RBFOX1: variants seen among roughly 807,000 people sequenced by gnomAD.
RBFOX1 encodes the protein RNA binding fox-1 homolog 1, also known as RNA binding protein fox-1 homolog 1.
A neutral mutation model predicts 57.7 loss-of-function variants in RBFOX1; 8 were observed. The observed-to-expected ratio is 0.14, with a 90% CI of 0.08 to 0.25. The LOEUF (loss-of-function observed/expected upper bound fraction) is 0.25. Ranked by LOEUF, RBFOX1 falls within the 10% of genes least tolerant of loss-of-function variation. The pLI is 1.00. For synonymous variants in RBFOX1, 326 were observed against 222.4 expected, an observed-to-expected ratio of 1.47 and a Z score of -4.15; for missense variants, 611 against 548.5, an observed-to-expected ratio of 1.11 and a Z score of -1.14.
intron 3 of RBFOX1, among the ~76,000 whole-genome samples, chr16:6,840,105 G>A (rs2093375644): frequency 6.6e-6 from 1 of 152,150 alleles, no homozygotes; most frequent in Non-Finnish European, 1.5e-5. Flanking sequence ...CTACTGAATT[G>A]ACTTGCTTGC....
intron 4 of RBFOX1, among the ~76,000 whole-genome samples, chr16:5,911,232 T>C (rs2058595091): frequency 6.6e-6 from 1 of 152,162 alleles, no homozygotes; most frequent in South Asian, 2.1e-4. Flanking sequence ...GGCCTCCCAC[T>C]TGAGGTCCAC....
chr16:5,854,144 A>T (rs966467286), intron 3 of RBFOX1, among the ~76,000 whole-genome samples: 2 of 152,202 alleles, frequency 1.3e-5, no homozygotes, highest in Admixed American at 1.3e-4. Flanking sequence ...CAAGCTAATG[A>T]TCATATCTGT....
intron 2 of RBFOX1, among the ~76,000 whole-genome samples, chr16:6,390,260 G>A (rs1302276293): frequency 6.6e-6 from 1 of 152,130 alleles, no homozygotes; most frequent in Admixed American, 6.5e-5. Flanking sequence ...TCTTAGAGGT[G>A]CCATTCTGAT....
At chr16:7,693,701 G>A (rs1210025115) in intron 14 of RBFOX1, among the ~76,000 whole-genome samples, 1 of 152,166 alleles carries the variant, frequency 6.6e-6, no homozygotes, top group African/African-American at 2.4e-5. Context: ...TAGGTACACA[G>A]ACGTATGACT....
At chr16:6,669,103 C>T (rs567050354) in intron 3 of RBFOX1, among the ~76,000 whole-genome samples, 6 of 152,272 alleles carry the variant, frequency 3.9e-5, no homozygotes, top group African/African-American at 1.4e-4. Context: ...TTTCCCAGCA[C>T]TTTTGCATGG....
At chr16:7,595,512 T>G in intron 7 of RBFOX1, 37 bp from the exon 8 acceptor site, 2 of 1,458,522 alleles carry the variant, frequency 1.4e-6, no homozygotes, top group Non-Finnish European at 1.9e-6. Context: ...GAAATAATAA[T>G]CTGCATGTTG....
At chr16:6,226,418 A>G (rs1011643322) in intron 1 of RBFOX1, among the ~76,000 whole-genome samples, 7 of 148,272 alleles carry the variant, frequency 4.7e-5, no homozygotes, top group Admixed American at 1.4e-4. Context: ...ATAAATTTTC[A>G]GCAATGTGAA....
intron 3 of RBFOX1, among the ~76,000 whole-genome samples, chr16:5,845,782 G>C (rs535884470): frequency 8.3e-4 from 127 of 152,262 alleles, no homozygotes; most frequent in African/African-American, 2.9e-3. Context: ...GGCACAGATA[G>C]AGCCCACTTT....
chr16:5,928,191 C>A (rs2058975054), intron 4 of RBFOX1, among the ~76,000 whole-genome samples: 1 of 151,704 alleles, frequency 6.6e-6, no homozygotes, highest in Admixed American at 6.6e-5. Flanking sequence ...TCTCCTGGGC[C>A]CAAGTGGTGT....
intron 5 of RBFOX1, among the ~76,000 whole-genome samples, chr16:7,562,972 C>T (rs954478817): frequency 3.3e-5 from 5 of 152,106 alleles, no homozygotes; most frequent in African/African-American, 1.2e-4. Flanking sequence ...CTTTAGATGC[C>T]ATTAAGGGAC....
At chr16:7,162,769 C>T (rs1456643453) in intron 4 of RBFOX1, among the ~76,000 whole-genome samples, 1 of 152,020 alleles carries the variant, frequency 6.6e-6, no homozygotes, top group African/African-American at 2.4e-5. Context: ...TAGATAAATA[C>T]AAGGCAAATT....
chr16:7,248,363 T>C (rs1198449057), intron 4 of RBFOX1, among the ~76,000 whole-genome samples: 1 of 152,198 alleles, frequency 6.6e-6, no homozygotes, highest in African/African-American at 2.4e-5. Flanking sequence ...GCTCTTCTAG[T>C]AGGATGCCCT....
intron 3 of RBFOX1, among the ~76,000 whole-genome samples, chr16:5,668,625 A>T (rs1049798520): frequency 2.0e-5 from 3 of 152,216 alleles, no homozygotes; most frequent in African/African-American, 7.2e-5. Flanking sequence ...TAGGTGTGTT[A>T]TGCATAACTC....
At chr16:7,320,085 T>C (rs2096518471) in intron 4 of RBFOX1, among the ~76,000 whole-genome samples, 1 of 152,168 alleles carries the variant, frequency 6.6e-6, no homozygotes, top group South Asian at 2.1e-4. Context: ...ATTAATTTTA[T>C]TGTAAGTTGC....
At chr16:7,451,912 C>A (rs1161257544) in intron 4 of RBFOX1, among the ~76,000 whole-genome samples, 1 of 151,948 alleles carries the variant, frequency 6.6e-6, no homozygotes, top group African/African-American at 2.4e-5. Context: ...CATGTGCCAG[C>A]AACGATTTGT....
chr16:6,473,013 C>T (rs934815439), intron 2 of RBFOX1, among the ~76,000 whole-genome samples: 1 of 152,114 alleles, frequency 6.6e-6, no homozygotes, highest in African/African-American at 2.4e-5. Context: ...AACTCTTCCA[C>T]CTTTACAAGA....
intron 2 of RBFOX1, among the ~76,000 whole-genome samples, chr16:6,435,373 T>C (rs2094205671): frequency 1.3e-5 from 2 of 151,720 alleles, no homozygotes. Context: ...TGATCTCGGC[T>C]CACTGCAGCC....
At position 6,535,258 on chromosome 16, in the gene RBFOX1, C is replaced by T. The variant is rs182607427; in HGVS notation, c.-63-119345C>T. ...TTGGTCACCTTCTTTCCAGCCAGAG[C>T]TCTGTCTAAAGTTACATCTGATGGA... is the stretch of plus-strand genomic sequence containing the variant. On this transcript the variant is annotated intron_variant, in intron 2 of 15. Transcript: ENST00000550418. 7.9e-4 allele frequency among the ~76,000 whole-genome samples: 121 copies of T among 152,260 alleles called. 1 individual carries two copies. In the Middle Eastern group the frequency reaches 0.017, roughly 21 times the overall value.
chr16:5,889,523 A>G (rs1478945497), intron 4 of RBFOX1, among the ~76,000 whole-genome samples: 1 of 152,224 alleles, frequency 6.6e-6, no homozygotes, highest in Non-Finnish European at 1.5e-5. Context: ...GCTGCAATGA[A>G]CATACATGTG....
Sources: allele counts gnomAD v4.1 joint callset (sites outside exome capture counted in the v4.1 genomes callset), GRCh38; gene constraint gnomAD v4.1.1; transcripts MANE v1.5; gene names NCBI Gene and HGNC (gene_info 2026-07-23, HGNC 2026-07-21).